The following CACNA1B variants were observed in gnomAD, a reference collection of about 807,000 sequenced individuals.
CACNA1B encodes the protein voltage-dependent N-type calcium channel subunit alpha-1B.
A neutral mutation model predicts 247.2 loss-of-function variants in CACNA1B; 70 were observed. The ratio of observed to expected loss-of-function variants is 0.28; its 90% CI spans 0.23 to 0.35. The LOEUF (loss-of-function observed/expected upper bound fraction) is 0.35, where lower values mean the gene tolerates loss of function less well. Ranked by LOEUF, CACNA1B falls within the 10% of genes least tolerant of loss-of-function variation. The pLI, the probability that CACNA1B is intolerant of heterozygous loss-of-function variation, is 1.00. For missense variants in CACNA1B, 2,367 were observed against 3,197.4 expected (o/e 0.74, Z 6.26); for synonymous variants, 1,231 against 1,294.4 (o/e 0.95, Z 1.05).
At chr9:138,029,487 T>C (rs1356999137) in intron 20 of CACNA1B, among the ~76,000 whole-genome samples, 1 of 152,206 alleles carries the variant, frequency 6.6e-6, no homozygotes, top group Non-Finnish European at 1.5e-5. Flanking sequence ...CCATTTGATC[T>C]AGGTTTTCCC....
chr9:138,015,718 C>T (rs979842961), intron 18 of CACNA1B, among the ~76,000 whole-genome samples: 7 of 152,240 alleles, frequency 4.6e-5, no homozygotes, highest in Admixed American at 3.3e-4. Flanking sequence ...GGTGCCAGAA[C>T]ATGCCTCAGA....
At chr9:137,967,943 G>A (rs937974156) in intron 10 of CACNA1B, among the ~76,000 whole-genome samples, 135 of 152,232 alleles carry the variant, frequency 8.9e-4, no homozygotes, top group African/African-American at 3.1e-3. Context: ...TTGAGCTCGC[G>A]TTCACCTCCA....
In CACNA1B at chr9:138,054,013, T is replaced by C; in HGVS notation, c.3968+7T>C. ...AGCTGGAGAGGGACTGCAGGTAAAC[T>C]GAGGCAGGGTGCAAGGTGGGACACA... On this transcript the variant is annotated splice_region_variant and intron_variant, in intron 26 of 46. Coordinates refer to ENST00000371372, the MANE Select transcript of CACNA1B (RefSeq NM_000718.4). The surrounding 1 kb of genome is among the most constrained non-coding windows in gnomAD (Gnocchi z 4.6). 1.9e-6 allele frequency: 3 copies of C among 1,613,472 alleles called. No individual in the cohort carries two copies. The highest frequency in any genetic ancestry group is 2.5e-6 in the Non-Finnish European group (3 of 1,179,462).
In CACNA1B at chr9:138,122,078, G is replaced by T; in HGVS notation, c.*79G>T. On this transcript the variant is annotated 3_prime_UTR_variant, in exon 47 of 47. Transcript: ENST00000371372. Reference sequence around the variant, plus strand: ...TGAGTTTTATCATCCACACGGGGCAGCCGGCCCTCGGGGGAGGCCTTGCCC... The same window carrying T: ...TGAGTTTTATCATCCACACGGGGCATCCGGCCCTCGGGGGAGGCCTTGCCC... 6 of 1,370,608 alleles carry T rather than the reference G, an allele frequency of 4.4e-6. No homozygotes were observed. The highest frequency in any genetic ancestry group is 5.9e-6 in the Non-Finnish European group (6 of 1,022,530). The allele number at this position is 1,370,608 out of a possible 1,614,324, so 84.9% of individuals were successfully genotyped here.
intron 3 of CACNA1B, among the ~76,000 whole-genome samples, chr9:137,896,132 G>A (rs753134839): frequency 1.5e-4 from 23 of 151,852 alleles, no homozygotes; most frequent in Admixed American, 3.9e-4. Flanking sequence ...CCACCTACTC[G>A]GGAGGCTGAG....
rs192563170 is a variant in CACNA1B at position 137,903,271 on chromosome 9, A to T, written c.531-9909A>T. On this transcript the variant is annotated intron_variant, in intron 3 of 46. Transcript: ENST00000371372. The stretch of plus-strand genomic sequence containing the variant: ...CATGGTGGTGCGCGCCTGTAGTCCC[A>T]GCTACTCGGGAGCCTGAGGCAGGAG... Among the ~76,000 whole-genome samples, 12 of 152,262 alleles carry T rather than the reference A, an allele frequency of 7.9e-5. No homozygotes were observed. In the East Asian group the frequency reaches 2.1e-3, roughly 27 times the overall value.
intron 31 of CACNA1B, among the ~76,000 whole-genome samples, chr9:138,060,900 T>C (rs10746565): frequency 0.37 from 55,494 of 151,914 alleles, 13,740 homozygotes; most frequent in African/African-American, 0.69. Flanking sequence ...CCTGAGCTGA[T>C]GTTCATCATC....
chr9:137,982,351 C>T (rs899191282), intron 12 of CACNA1B, among the ~76,000 whole-genome samples: 2 of 152,162 alleles, frequency 1.3e-5, no homozygotes, highest in Non-Finnish European at 2.9e-5. Context: ...CTCCCAGCTG[C>T]CGGAGTGTCC....
chr9:137,979,471 T>C (rs1209584271), intron 12 of CACNA1B, among the ~76,000 whole-genome samples: 4 of 152,014 alleles, frequency 2.6e-5, no homozygotes, highest in African/African-American at 2.4e-5. Flanking sequence ...ATCCCATCAG[T>C]TTTGCCATAG....
chr9:138,069,176 T>C (rs917936243), intron 31 of CACNA1B, among the ~76,000 whole-genome samples: 8 of 152,206 alleles, frequency 5.3e-5, no homozygotes, highest in African/African-American at 1.9e-4. Flanking sequence ...TTGTTTTGTT[T>C]GTGTGTCTGT....
intron 15 of CACNA1B, among the ~76,000 whole-genome samples, chr9:137,992,608 G>A (rs1025580430): frequency 6.6e-6 from 1 of 152,040 alleles, no homozygotes; most frequent in African/African-American, 2.4e-5. Context: ...TATTTACAGA[G>A]CATTCTACCC....
At position 138,010,809 on chromosome 9, in the gene CACNA1B, C is replaced by T. The variant is rs572172486; in HGVS notation, c.2160+732C>T. ...CACCTGTGCATGTCTAGGGGTCTGA[C>T]ACAGTTCTGTCACTCCAGTCCAGTG... On this transcript the variant is annotated intron_variant, in intron 17 of 46. Coordinates refer to ENST00000371372, the MANE Select transcript of CACNA1B (RefSeq NM_000718.4). The surrounding 1 kb of genome is among the most constrained non-coding windows in gnomAD (Gnocchi z 5.3). 6.6e-6 allele frequency among the ~76,000 whole-genome samples: 1 copy of T among 152,340 alleles called. No individual in the cohort carries two copies. Among genetic ancestry groups the T allele is most frequent in the Non-Finnish European group, 1.5e-5 (1 of 68,026 alleles).
intron 37 of CACNA1B, chr9:138,101,285 C>T (rs758147518): frequency 5.5e-5 from 26 of 469,528 alleles, no homozygotes; most frequent in African/African-American, 2.4e-4. Context: ...TTGGGAATGA[C>T]GACGCCTCAC....
chr9:138,005,427 A>G (rs1169820919), intron 15 of CACNA1B, among the ~76,000 whole-genome samples: 1 of 152,158 alleles, frequency 6.6e-6, no homozygotes, highest in East Asian at 1.9e-4. Context: ...CTGGAGGTAG[A>G]GGTTAGAATG....
intron 6 of CACNA1B, among the ~76,000 whole-genome samples, chr9:137,949,069 AGTGTGTGTGGT>A (rs1213483632): frequency 8.6e-5 from 4 of 46,426 alleles, no homozygotes; most frequent in Admixed American, 2.1e-4. Context: ...GTATGTGTGT[AGTGTGTGTGGT>A]GTGTGTGTGG....
Position 138,053,828 on chromosome 9 carries a change from C to T in CACNA1B, c.3808-18C>T, listed in dbSNP as rs1358198588. On this transcript the variant is annotated intron_variant, in intron 25 of 46. Transcript: ENST00000371372. ...ATGATTCCACCCCCTCATCATGGCT[C>T]CACCCCTCCTCCTGCAGGCTGTGTT... 3.7e-6 allele frequency: 6 copies of T among 1,606,862 alleles called. No homozygotes were observed. The highest frequency in any genetic ancestry group is 1.3e-5 in the African/African-American group (1 of 74,754).
rs940935875 is a variant in CACNA1B at position 138,073,688 on chromosome 9, T to C, written c.4791+84T>C. On this transcript the variant is annotated intron_variant, in intron 33 of 46. Coordinates refer to ENST00000371372, the MANE Select transcript of CACNA1B (RefSeq NM_000718.4). This position sits in a 1 kb window ranked among gnomAD's most constrained non-coding sequence, Gnocchi z 6.4. ...GCCCCCACCACAGTGGCCCCTCCTT[T>C]GGGAGGCTGGGAGAGGGTATGGCAT... 5 of 800,048 alleles carry C rather than the reference T, an allele frequency of 6.2e-6. No individual in the cohort carries two copies. The African/African-American group carries it at 8.5e-5, about 14-fold the overall frequency. 49.6% of individuals were successfully genotyped at this position (800,048 alleles called of 1,614,324 possible).
At position 137,952,206 on chromosome 9, in the gene CACNA1B, G is replaced by T. The variant is rs114122083; in HGVS notation, c.967-68G>T. The T allele has an allele frequency of 2.8e-3, 3,552 of 1,260,400 alleles. 91 individuals are homozygous for T. In the African/African-American group the frequency reaches 0.045, roughly 16 times the overall value. The allele number at this position is 1,260,400 out of a possible 1,614,324, so 78.1% of individuals were successfully genotyped here. A position where few individuals can be genotyped will look rare whatever the true frequency, so the allele number is the denominator to read the frequency against. ...TGAGAAGGAGGCCTGTTGGGGGCTG[G>T]GGGTGCTCCTGTGGCCGGGACTGTG... On this transcript the variant is annotated intron_variant, in intron 6 of 46. Coordinates refer to ENST00000371372, the MANE Select transcript of CACNA1B (RefSeq NM_000718.4). This position sits in a 1 kb window ranked among gnomAD's most constrained non-coding sequence, Gnocchi z 4.8.
In CACNA1B at chr9:138,120,694, A is replaced by G; in HGVS notation, c.6302A>G (p.Glu2101Gly). The change falls in exon 46 of 47, where the codon GAA (glutamate) becomes GGA (glycine). Residue 2101 changes from glutamate (E) to glycine (G), a missense_variant. Physicochemically the swap from Glu to Gly is moderately conservative, Grantham distance 98. Coordinates refer to ENST00000371372, the MANE Select transcript of CACNA1B (RefSeq NM_000718.4). ...GAGGGGCCTACAGGCTGCCGGCGGG[A>G]ACGAGAGCGCCGGCAGGAGCGGGGC... ...PGEGPTGCRR[E>G]RERRQERGRS... is the part of the protein sequence containing the mutation. 6.6e-7 allele frequency: 1 copy of G among 1,517,536 alleles called. No individual in the cohort carries two copies. The highest frequency in any genetic ancestry group is 1.3e-5 in the South Asian group (1 of 79,108). The allele number at this position is 1,517,536 out of a possible 1,614,324, so 94.0% of individuals were successfully genotyped here.
Sources: gnomAD v4.1 joint callset for allele counts (sites outside exome capture counted in the v4.1 genomes callset) on GRCh38, gnomAD v4.1.1 for gene constraint, Gnocchi (gnomAD v3.1) non-coding constraint, MANE v1.5 for transcripts, NCBI Gene and HGNC (gene_info 2026-07-23, HGNC 2026-07-21) for gene names.